PSMD13: variants seen among roughly 807,000 people sequenced by gnomAD.
The protein encoded by PSMD13 is 26S proteasome non-ATPase regulatory subunit 13.
Under a neutral mutation model 57.4 loss-of-function variants are expected in PSMD13, and 8 were observed. The observed-to-expected ratio is 0.14, with a 90% CI of 0.08 to 0.25. PSMD13 has a LOEUF of 0.25. PSMD13 is among the 10% of genes least tolerant of loss of function. PSMD13 has a pLI of 1.00. For synonymous variants in PSMD13, 193 were observed against 168.2 expected (o/e 1.15, Z -1.14); for missense variants, 400 against 461.5 (o/e 0.87, Z 1.22).
At chr11:244,893 A>G (rs1859597701) in intron 6 of PSMD13, 132 bp downstream of exon 6, 1 of 715,940 alleles carries the variant, frequency 1.4e-6, no homozygotes, top group South Asian at 2.3e-5. Flanking sequence ...TGCAAAAATA[A>G]CACAAAGAAC....
Position 237,049 on chromosome 11 carries a change from C to A in PSMD13, c.-1C>A. 19 of 1,612,722 alleles carry A rather than the reference C, an allele frequency of 1.2e-5. No homozygotes were observed. The highest frequency in any genetic ancestry group is 1.6e-5 in the Non-Finnish European group (19 of 1,178,838). On this transcript the variant is annotated 5_prime_UTR_variant, in exon 1 of 13. Transcript: ENST00000532097. ...TCTGTGCCGGGGGTCTTCCTGCTGT[C>A]ATGAAGGACGTACCGGGCTTCCTAC...
In PSMD13 at chr11:248,934, C is replaced by T. The variant is rs1859711464; in HGVS notation, c.651C>T (p.Leu217=). 6.2e-7 allele frequency: 1 copy of T among 1,614,074 alleles called. No homozygotes were observed. The highest frequency in any genetic ancestry group is 1.7e-5 in the Admixed American group (1 of 60,004). ...GCTGACCATCTCCATCCTCACAGCT[C>T]ATGCACCCTGTGCTGGAGTCCCTGA... ...GEGVFNFGEL[L]MHPVLESLRN... Residue 217 remains leucine, a splice_region_variant and synonymous_variant, in exon 9 of 13, where the codon CTC becomes CTT. Transcript: ENST00000532097.
intron 2 of PSMD13, 86 bp downstream of exon 2, chr11:239,162 A>G (rs1859463319): frequency 8.2e-7 from 1 of 1,222,752 alleles, no homozygotes; most frequent in African/African-American, 1.5e-5. Flanking sequence ...TAATAATAAT[A>G]ATAAGCTCCA....
Position 251,311 on chromosome 11 carries a change from A to G in PSMD13, c.838-235A>G. On this transcript the variant is annotated intron_variant, in intron 10 of 12. Coordinates refer to ENST00000532097, the MANE Select transcript of PSMD13 (RefSeq NM_002817.4). This position sits in a 1 kb window ranked among gnomAD's most constrained non-coding sequence, Gnocchi z 4.6. ...TGTGGCCTCAAGTACTTGTTCGGGG[A>G]TTGAACAATGGCTACTGTCAGAAAC... 1.9e-6 allele frequency: 1 copy of G among 531,368 alleles called. No homozygotes were observed. The highest frequency in any genetic ancestry group is 3.3e-6 in the Non-Finnish European group (1 of 300,734). 32.9% of individuals were successfully genotyped at this position (531,368 alleles called of 1,614,324 possible). A position where few individuals can be genotyped will look rare whatever the true frequency, so the allele number is the denominator to read the frequency against.
At chr11:245,693 T>TGTGTGTGTGTGTGTGTGTGTGTGTGTG (rs1859628745) in intron 6 of PSMD13, among the ~76,000 whole-genome samples, 1 of 86,830 alleles carries the variant, frequency 1.2e-5, no homozygotes, top group Non-Finnish European at 2.3e-5. Context: ...TGCATGTGTG[T>TGTGTGTGTGTGTGTGTGTGTGTGTGTG]TCGTGTGTTT....
rs1428366502 is a variant in PSMD13, at chr11:244,308, G to A, written c.265+92G>A. 6.3e-6 allele frequency: 10 copies of A among 1,581,742 alleles called. No homozygotes were observed. In the Admixed American group the frequency reaches 1.9e-4, roughly 30 times the overall value. On this transcript the variant is annotated intron_variant, in intron 4 of 12. Coordinates refer to ENST00000532097, the MANE Select transcript of PSMD13 (RefSeq NM_002817.4). ...CTGAACTTTTGTGTTTTCTGTATCA[G>A]ATATTATGTTTTTATTATACTTTAT... is the stretch of plus-strand genomic sequence containing the variant.
At chr11:249,232 G>A (rs1859719825) in intron 9 of PSMD13, among the ~76,000 whole-genome samples, 175 bp downstream of exon 9, 1 of 152,294 alleles carries the variant, frequency 6.6e-6, no homozygotes, top group Non-Finnish European at 1.5e-5. Flanking sequence ...GTTAGCTACA[G>A]CATTACTCAG....
chr11:242,077 C>T (rs188989030), intron 2 of PSMD13, among the ~76,000 whole-genome samples: 7 of 152,160 alleles, frequency 4.6e-5, no homozygotes, highest in African/African-American at 1.7e-4. Context: ...TCAGTATTGC[C>T]ACTTCTACAG....
At chr11:243,426 C>T in intron 2 of PSMD13, 1 of 297,906 alleles carries the variant, frequency 3.4e-6, no homozygotes, top group Non-Finnish European at 6.8e-6. Context: ...TATGGGGATT[C>T]ACCTTCCTTC....
Position 252,552 on chromosome 11 carries a change from G to A in PSMD13, c.1083G>A (p.Lys361=). The A allele has an allele frequency of 6.2e-7, 1 of 1,614,132 alleles. No individual in the cohort carries two copies. Among genetic ancestry groups the A allele is most frequent in the South Asian group, 1.1e-5 (1 of 91,080 alleles). The part of the protein sequence containing the change: ...DRLEFWCTDV[K]SMEMLVEHQA... ...TGGAGTTCTGGTGCACGGATGTGAA[G>A]AGCATGGAGATGCTGGTGGAGCACC... is the stretch of plus-strand genomic sequence containing the variant. The change falls in exon 13 of 13, where the codon AAG becomes AAA. Residue 361 remains lysine (K), a synonymous_variant. Coordinates refer to ENST00000532097, the MANE Select transcript of PSMD13 (RefSeq NM_002817.4). This position sits in a 1 kb window ranked among gnomAD's most constrained non-coding sequence, Gnocchi z 4.1.
rs550363885 is a variant in PSMD13 at position 239,166 on chromosome 11, A to T, written c.174+90A>T. On this transcript the variant is annotated intron_variant, in intron 2 of 12. Coordinates refer to ENST00000532097, the MANE Select transcript of PSMD13 (RefSeq NM_002817.4). Reference sequence around the variant, plus strand: ...AGGCTTTATGCTAATAATAATAATAAGCTCCAATATTCAGCAGTCACTTTA... The same window carrying T: ...AGGCTTTATGCTAATAATAATAATATGCTCCAATATTCAGCAGTCACTTTA... The T allele has an allele frequency of 1.1e-5, 14 of 1,220,450 alleles. No individual in the cohort carries two copies. In the South Asian group the frequency reaches 1.6e-4, roughly 14 times the overall value. The allele number at this position is 1,220,450 out of a possible 1,614,324, so 75.6% of individuals were successfully genotyped here.
chr11:239,431 A>C lies in PSMD13; in HGVS notation c.174+355A>C, dbSNP rs942369303. ...TATCTTAGTTCATAGGCTTCTTTTT[A>C]GTACTCTAGTTTTAGAAACAAAGTT... On this transcript the variant is annotated intron_variant, in intron 2 of 12. Coordinates refer to ENST00000532097, the MANE Select transcript of PSMD13 (RefSeq NM_002817.4). Among the ~76,000 whole-genome samples, 13 of 152,306 alleles carry C rather than the reference A, an allele frequency of 8.5e-5. No homozygotes were observed. In the East Asian group the frequency reaches 1.9e-3, roughly 23 times the overall value.
At chr11:250,037 GAAA>G (rs375185302) in intron 9 of PSMD13, among the ~76,000 whole-genome samples, 11,291 of 144,360 alleles carry the variant, frequency 0.078, 480 homozygotes, top group African/African-American at 0.088. Flanking sequence ...GCAATTTAAA[GAAA>G]AAAAAAAAAT....
intron 9 of PSMD13, among the ~76,000 whole-genome samples, chr11:249,995 G>A (rs1255593259): frequency 2.0e-5 from 3 of 152,084 alleles, no homozygotes; most frequent in Non-Finnish European, 2.9e-5. Context: ...TCAAAAAAAG[G>A]TGACACTCAG....
chr11:245,333 GC>G (rs1210697622), intron 6 of PSMD13, among the ~76,000 whole-genome samples: 1 of 152,116 alleles, frequency 6.6e-6, no homozygotes, highest in Non-Finnish European at 1.5e-5. Flanking sequence ...CTGATACAAT[GC>G]CTGTTGCCCT....
At chr11:237,709 T>C (rs1489833623) in intron 1 of PSMD13, among the ~76,000 whole-genome samples, 1 of 152,232 alleles carries the variant, frequency 6.6e-6, no homozygotes, top group Non-Finnish European at 1.5e-5. Flanking sequence ...TCCCATTGTC[T>C]TTACCTTCCA....
intron 2 of PSMD13, among the ~76,000 whole-genome samples, chr11:239,481 A>G (rs1028151582): frequency 6.6e-6 from 1 of 152,126 alleles, no homozygotes; most frequent in African/African-American, 2.4e-5. Flanking sequence ...GGGTGGAGTA[A>G]GGTATGAGGA....
chr11:240,109 T>TC, intron 2 of PSMD13, among the ~76,000 whole-genome samples: 1 of 130,246 alleles, frequency 7.7e-6, no homozygotes, highest in African/African-American at 3.0e-5. Context: ...TGCTTTTTTT[T>TC]TTTTTTTTTT....
At chr11:248,540 T>C (rs1279334851) in intron 7 of PSMD13, 15 of 537,750 alleles carry the variant, frequency 2.8e-5, no homozygotes, top group Non-Finnish European at 4.6e-5. Flanking sequence ...ATGAATAGAT[T>C]CACATATATT....
Sources: allele counts gnomAD v4.1 joint callset (sites outside exome capture counted in the v4.1 genomes callset), GRCh38; gene constraint gnomAD v4.1.1; non-coding constraint Gnocchi (gnomAD v3.1); transcripts MANE v1.5; gene names NCBI Gene and HGNC (gene_info 2026-07-23, HGNC 2026-07-21).